Variants in KLHDC10 observed in about 807,000 individuals in gnomAD.
The protein encoded by KLHDC10 is kelch domain containing 10, also known as kelch domain-containing protein 10.
In KLHDC10, 24 loss-of-function variants were observed where a neutral mutation model predicts 56.1. That is an observed-to-expected ratio of 0.43 (90% confidence interval 0.31 to 0.60). KLHDC10 has a LOEUF of 0.60. KLHDC10 is among the 20% of genes least tolerant of loss of function. The probability of loss-of-function intolerance (pLI) is 0.11; values close to 1 mark genes in which losing one functional copy is unlikely to be tolerated. For missense variants in KLHDC10, 349 were observed against 567.0 expected (o/e 0.62, Z 3.91); for synonymous variants, 188 against 207.1 (o/e 0.91, Z 0.79).
At chr7:130,091,266 C>G (rs1240088918) in intron 1 of KLHDC10, among the ~76,000 whole-genome samples, 1 of 152,188 alleles carries the variant, frequency 6.6e-6, no homozygotes, top group African/African-American at 2.4e-5. Context: ...GCCATACTGT[C>G]TCTCAGAGTA....
chr7:130,089,132 A>G (rs6956444), intron 1 of KLHDC10, among the ~76,000 whole-genome samples: 13,235 of 152,222 alleles, frequency 0.087, 753 homozygotes, highest in African/African-American at 0.17. Context: ...AAAAACATAT[A>G]TTTTAAAATG....
At chr7:130,103,622 A>G (rs1461020236) in intron 2 of KLHDC10, among the ~76,000 whole-genome samples, 1 of 152,186 alleles carries the variant, frequency 6.6e-6, no homozygotes, top group Non-Finnish European at 1.5e-5. Flanking sequence ...TCTCACCTGC[A>G]GCATGGTTTG....
intron 1 of KLHDC10, among the ~76,000 whole-genome samples, chr7:130,084,111 C>T (rs751357662): frequency 2.6e-5 from 4 of 152,208 alleles, no homozygotes; most frequent in Non-Finnish European, 5.9e-5. Context: ...CATTTCCTTG[C>T]TTTCTCCATA....
intron 1 of KLHDC10, among the ~76,000 whole-genome samples, chr7:130,088,335 T>C (rs940650122): frequency 2.0e-5 from 3 of 151,530 alleles, no homozygotes; most frequent in Non-Finnish European, 4.4e-5. Flanking sequence ...GGTGCAGTGG[T>C]GCAGTCTTGG....
intron 2 of KLHDC10, among the ~76,000 whole-genome samples, chr7:130,110,115 C>T (rs911109968): frequency 2.0e-5 from 3 of 152,180 alleles, no homozygotes; most frequent in Non-Finnish European, 4.4e-5. Flanking sequence ...TTGGGTTTCT[C>T]CCCATTTTCT....
chr7:130,116,628 C>T lies in KLHDC10; in HGVS notation c.437C>T (p.Thr146Ile), dbSNP rs1234302645. The change falls in exon 3 of 10, where the codon ACA (threonine) becomes ATA (isoleucine). Residue 146 changes from threonine (T) to isoleucine (I), a missense_variant. By Grantham distance (89) the Thr-to-Ile change is moderately conservative (BLOSUM62 -1). Transcript: ENST00000335420. The surrounding 1 kb of genome is among the most constrained non-coding windows in gnomAD (Gnocchi z 4.8). ...ACAGGAGTATGGCACCAGATGGGCA[C>T]AGATGGCTACATGCCCCGGGAATTG... is the stretch of plus-strand genomic sequence containing the variant. Reference protein sequence around the residue: ...FATGVWHQMGTDGYMPRELAS... With the variant: ...FATGVWHQMGIDGYMPRELAS... 2 of 1,614,150 alleles carry T rather than the reference C, an allele frequency of 1.2e-6. No individual in the cohort carries two copies. The highest frequency in any genetic ancestry group is 1.7e-6 in the Non-Finnish European group (2 of 1,180,020).
In KLHDC10 at chr7:130,135,175, G is replaced by T. The variant is rs1796457242; in HGVS notation, c.*4429G>T. 2 of 116,448 alleles carry T rather than the reference G, an allele frequency of 1.7e-5. No individual in the cohort carries two copies. Among genetic ancestry groups the T allele is most frequent in the South Asian group, 5.7e-4 (2 of 3,528 alleles). The allele number at this position is 116,448 out of a possible 1,614,324, so 7.2% of individuals were successfully genotyped here. ...AGTGTACAGGGTGGAGTCAGAGGCAGTTTTCAGAAAAAAACAAAAAACAAT... is the reference window on the plus strand; with the variant it reads ...AGTGTACAGGGTGGAGTCAGAGGCATTTTTCAGAAAAAAACAAAAAACAAT... On this transcript the variant is annotated 3_prime_UTR_variant, in exon 10 of 10. Coordinates refer to ENST00000335420, the MANE Select transcript of KLHDC10 (RefSeq NM_014997.4).
At chr7:130,127,893 C>A (rs1796334182) in intron 8 of KLHDC10, among the ~76,000 whole-genome samples, 1 of 152,220 alleles carries the variant, frequency 6.6e-6, no homozygotes, top group Non-Finnish European at 1.5e-5. Flanking sequence ...TTCACTCATT[C>A]TTTGGCCATA....
chr7:130,082,348 C>T (rs531903530), intron 1 of KLHDC10, among the ~76,000 whole-genome samples: 16 of 152,180 alleles, frequency 1.1e-4, no homozygotes, highest in South Asian at 1.0e-3. Flanking sequence ...AATTGGAAAA[C>T]GTAGAAAAAT....
chr7:130,096,782 A>G, intron 1 of KLHDC10, 139 bp from the exon 2 acceptor site: 2 of 541,346 alleles, frequency 3.7e-6, no homozygotes, highest in East Asian at 5.7e-5. Context: ...ACAGGGTTAA[A>G]TGCTACTTTA....
chr7:130,107,911 A>T (rs1344620130), intron 2 of KLHDC10, among the ~76,000 whole-genome samples: 1 of 146,346 alleles, frequency 6.8e-6, no homozygotes, highest in African/African-American at 2.5e-5. Context: ...GCTACTCTGG[A>T]GGCTGAGGGT....
intron 2 of KLHDC10, among the ~76,000 whole-genome samples, chr7:130,110,662 C>T (rs771403872): frequency 6.6e-6 from 1 of 152,184 alleles, no homozygotes; most frequent in Non-Finnish European, 1.5e-5. Context: ...CTAGGTCCAA[C>T]AGAAGACCTG....
intron 1 of KLHDC10, among the ~76,000 whole-genome samples, chr7:130,083,345 C>G (rs551556810): frequency 3.0e-4 from 46 of 152,192 alleles, no homozygotes; most frequent in Non-Finnish European, 5.0e-4. Context: ...TCCTCCTTAC[C>G]CTCACTCTAT....
chr7:130,093,056 G>T (rs1326205420), intron 1 of KLHDC10, among the ~76,000 whole-genome samples: 1 of 150,770 alleles, frequency 6.6e-6, no homozygotes, highest in Non-Finnish European at 1.5e-5. Context: ...TTTAGGGGAA[G>T]GTGAGCTTGC....
chr7:130,086,655 C>T (rs1032518905), intron 1 of KLHDC10, among the ~76,000 whole-genome samples: 2 of 152,080 alleles, frequency 1.3e-5, no homozygotes, highest in Non-Finnish European at 2.9e-5. Flanking sequence ...GGGGATTGTT[C>T]TGTGTTAGCA....
intron 1 of KLHDC10, among the ~76,000 whole-genome samples, chr7:130,077,458 A>G (rs557837236): frequency 2.1e-5 from 3 of 146,006 alleles, no homozygotes; most frequent in Non-Finnish European, 4.5e-5. Flanking sequence ...TTTTTTATAT[A>G]GGCCTCACAT....
At chr7:130,088,767 C>T (rs375395278) in intron 1 of KLHDC10, among the ~76,000 whole-genome samples, 3 of 150,586 alleles carry the variant, frequency 2.0e-5, no homozygotes, top group African/African-American at 7.3e-5. Context: ...CTCAGCCTCC[C>T]GAGTAGCTGG....
chr7:130,105,016 AT>A (rs1171678208), intron 2 of KLHDC10, among the ~76,000 whole-genome samples: 1 of 152,164 alleles, frequency 6.6e-6, no homozygotes, highest in Non-Finnish European at 1.5e-5. Context: ...GCTCACCCTC[AT>A]TGCAATGAGA....
chr7:130,123,401 C>T (rs1796276751), intron 5 of KLHDC10, among the ~76,000 whole-genome samples: 1 of 151,034 alleles, frequency 6.6e-6, no homozygotes, highest in Non-Finnish European at 1.5e-5. Context: ...ACCCGGGAGG[C>T]AGAGGTTGCA....
Sources: gnomAD v4.1 joint callset for allele counts (sites outside exome capture counted in the v4.1 genomes callset) on GRCh38, gnomAD v4.1.1 for gene constraint, Gnocchi (gnomAD v3.1) non-coding constraint, MANE v1.5 for transcripts, NCBI Gene and HGNC (gene_info 2026-07-23, HGNC 2026-07-21) for gene names.